STAG1: variants seen among roughly 807,000 people sequenced by gnomAD.
STAG1 encodes STAG1 cohesin complex component, also known as cohesin subunit SA-1.
Under a neutral mutation model 170.9 loss-of-function variants are expected in STAG1, and 26 were observed. That is an observed-to-expected ratio of 0.15 (90% CI 0.11 to 0.21). The LOEUF (loss-of-function observed/expected upper bound fraction) is 0.21. STAG1 is among the 10% of genes least tolerant of loss of function. The pLI, the probability that STAG1 is intolerant of heterozygous loss-of-function variation, is 1.00. For synonymous variants in STAG1, 514 were observed against 497.7 expected, an observed-to-expected ratio of 1.03 and a Z score of -0.44; for missense variants, 964 against 1,509.5, an observed-to-expected ratio of 0.64 and a Z score of 5.99.
chr3:136,618,337 A>G (rs1048281232), intron 3 of STAG1, among the ~76,000 whole-genome samples: 3 of 152,256 alleles, frequency 2.0e-5, no homozygotes, highest in Admixed American at 2.0e-4. Context: ...TGCGTCAGGG[A>G]TAAGAACCCC....
intron 4 of STAG1, among the ~76,000 whole-genome samples, chr3:136,594,913 G>A (rs756587899): frequency 5.3e-5 from 8 of 152,092 alleles, no homozygotes; most frequent in Non-Finnish European, 8.8e-5. Flanking sequence ...TGGGACTACA[G>A]ACACATGCCA....
intron 16 of STAG1, among the ~76,000 whole-genome samples, chr3:136,423,682 T>C (rs1477022060): frequency 6.6e-6 from 1 of 152,204 alleles, no homozygotes; most frequent in Non-Finnish European, 1.5e-5. Flanking sequence ...AACATAATCA[T>C]TTCCCCTAAG....
At position 136,337,011 on chromosome 3, in the gene STAG1, T is replaced by C. The variant is rs894578601; in HGVS notation, c.*1243A>G. ...AAACAATAGCAGCAAGTCATAAAAG[T>C]CTAGGCAGAATGTAACTCTAAACCA... On this transcript the variant is annotated 3_prime_UTR_variant, in exon 34 of 34. Coordinates refer to ENST00000383202, the MANE Select transcript of STAG1 (RefSeq NM_005862.3). The C allele has an allele frequency of 2.0e-5, 3 of 152,420 alleles. No individual in the cohort carries two copies. Among genetic ancestry groups the C allele is most frequent in the Non-Finnish European group, 4.4e-5 (3 of 68,016 alleles). The allele number at this position is 152,420 out of a possible 1,614,324, so 9.4% of individuals were successfully genotyped here. A position where few individuals can be genotyped will look rare whatever the true frequency, so the allele number is the denominator to read the frequency against.
intron 1 of STAG1, among the ~76,000 whole-genome samples, chr3:136,715,569 G>A (rs552112964): frequency 6.5e-4 from 98 of 151,122 alleles, no homozygotes; most frequent in African/African-American, 2.1e-3. Flanking sequence ...GCAGTGAGCC[G>A]AGATCACACC....
intron 23 of STAG1, among the ~76,000 whole-genome samples, chr3:136,374,155 G>A (rs1053306615): frequency 1.1e-4 from 17 of 151,978 alleles, no homozygotes; most frequent in Non-Finnish European, 2.2e-4. Flanking sequence ...CCGAGACTAG[G>A]ATTGCAACCC....
intron 18 of STAG1, 31 bp downstream of exon 18, chr3:136,422,737 C>T: frequency 1.3e-6 from 2 of 1,544,446 alleles, no homozygotes; most frequent in Non-Finnish European, 1.8e-6. Flanking sequence ...AAAACTATAA[C>T]AGCTGAATTT....
At chr3:136,570,417 A>G (rs983267605) in intron 4 of STAG1, among the ~76,000 whole-genome samples, 1 of 152,238 alleles carries the variant, frequency 6.6e-6, no homozygotes, top group Admixed American at 6.5e-5. Context: ...GTATGAATAT[A>G]CCACAATCTA....
chr3:136,429,964 T>C (rs1008272566), intron 16 of STAG1: 63 of 152,248 alleles, frequency 4.1e-4, no homozygotes, highest in African/African-American at 1.5e-3. Context: ...AATGTGTTAA[T>C]CCATTGTTTG....
At chr3:136,565,010 G>GC (rs1350609432) in intron 5 of STAG1, among the ~76,000 whole-genome samples, 35 of 96,592 alleles carry the variant, frequency 3.6e-4, no homozygotes, top group Non-Finnish European at 5.8e-4. Flanking sequence ...AGGAAGGAAG[G>GC]AAGGCAGGCA....
At chr3:136,504,512 T>C (rs67663578) in intron 7 of STAG1, among the ~76,000 whole-genome samples, 11,952 of 152,234 alleles carry the variant, frequency 0.079, 496 homozygotes, top group Non-Finnish European at 0.095. Context: ...GACTACACTA[T>C]GAAAGTTTAA....
At chr3:136,465,215 T>C (rs976616270) in intron 12 of STAG1, among the ~76,000 whole-genome samples, 1 of 142,980 alleles carries the variant, frequency 7.0e-6, no homozygotes, top group Admixed American at 7.7e-5. Flanking sequence ...TCACAATTCT[T>C]CTACAGCTTT....
chr3:136,522,264 G>A (rs1309647851), intron 6 of STAG1, among the ~76,000 whole-genome samples: 1 of 152,194 alleles, frequency 6.6e-6, no homozygotes, highest in Non-Finnish European at 1.5e-5. Context: ...TCATAGGAAA[G>A]AGAACTAGTG....
intron 4 of STAG1, among the ~76,000 whole-genome samples, chr3:136,572,632 TA>T (rs1185300579): frequency 6.5e-4 from 87 of 133,286 alleles, no homozygotes; most frequent in African/African-American, 2.5e-3. Context: ...AGTAAGCAAG[TA>T]AGAGAACAAA....
intron 11 of STAG1, 80 bp from the exon 12 acceptor site, chr3:136,472,572 A>T: frequency 1.0e-6 from 1 of 960,698 alleles, no homozygotes; most frequent in Non-Finnish European, 1.6e-6. Flanking sequence ...GTATTCTGGG[A>T]TATATATGCA....
chr3:136,714,755 A>T (rs1348143835), intron 1 of STAG1, among the ~76,000 whole-genome samples: 4 of 149,186 alleles, frequency 2.7e-5, no homozygotes, highest in South Asian at 2.1e-4. Flanking sequence ...AATAAATAAA[A>T]TAAATTAGCT....
intron 1 of STAG1, among the ~76,000 whole-genome samples, chr3:136,631,830 G>A (rs6439648): frequency 1 from 152,204 of 152,256 alleles, 76,076 homozygotes; most frequent in Middle Eastern, 1. Context: ...TTACAATTCC[G>A]GACAGAAAGA....
At chr3:136,556,569 CG>C (rs71626005) in intron 5 of STAG1, among the ~76,000 whole-genome samples, 26,740 of 151,676 alleles carry the variant, frequency 0.18, 2,868 homozygotes, top group Non-Finnish European at 0.24. Context: ...ACTTGACATT[CG>C]TTTTTTTTTT....
At chr3:136,709,212 C>G (rs1320634154) in intron 1 of STAG1, among the ~76,000 whole-genome samples, 1 of 151,814 alleles carries the variant, frequency 6.6e-6, no homozygotes, top group Non-Finnish European at 1.5e-5. Flanking sequence ...TTCACATGAA[C>G]CCGAGAGGTG....
chr3:136,702,105 GAGAGAGAGAGAGAGAGAC>G (rs750659005), intron 1 of STAG1, among the ~76,000 whole-genome samples: 13,838 of 109,770 alleles, frequency 0.13, 836 homozygotes, highest in Non-Finnish European at 0.16. Flanking sequence ...GAGAGAGAGA[GAGAGAGAGAGAGAGAGAC>G]AGAGAGACAG....
Sources: gnomAD v4.1 joint callset for allele counts (sites outside exome capture counted in the v4.1 genomes callset) on GRCh38, gnomAD v4.1.1 for gene constraint, MANE v1.5 for transcripts, NCBI Gene and HGNC (gene_info 2026-07-23, HGNC 2026-07-21) for gene names.